Variants in EDIL3 observed in about 807,000 individuals in gnomAD.
EDIL3 encodes EGF like and discoidin domains 3.
Under a neutral mutation model 67.4 loss-of-function variants are expected in EDIL3, and 37 were observed. That is an observed-to-expected ratio of 0.55 (90% confidence interval 0.42 to 0.72). The LOEUF is 0.72. Among genes scored for constraint, EDIL3 ranks in the 30% least tolerant of loss-of-function variants. The pLI is 0.00. For synonymous variants in EDIL3, 195 were observed against 196.3 expected (o/e 0.99, Z 0.05); for missense variants, 527 against 586.3 (o/e 0.90, Z 1.04).
At chr5:84,024,155 G>A (rs1481713179) in intron 9 of EDIL3, among the ~76,000 whole-genome samples, 2 of 152,098 alleles carry the variant, frequency 1.3e-5, no homozygotes, top group African/African-American at 2.4e-5. Context: ...TTGGCCTGAT[G>A]CAGCATGCTA....
intron 4 of EDIL3, among the ~76,000 whole-genome samples, chr5:84,156,270 C>T (rs1399494060): frequency 1.3e-5 from 2 of 152,124 alleles, no homozygotes; most frequent in Non-Finnish European, 2.9e-5. Flanking sequence ...TTCCAGAGTT[C>T]TTAATTAATT....
At chr5:84,383,444 A>T (rs1748132684) in intron 1 of EDIL3, among the ~76,000 whole-genome samples, 1 of 152,100 alleles carries the variant, frequency 6.6e-6, no homozygotes, top group African/African-American at 2.4e-5. Context: ...TTTTCTTTTA[A>T]ATGCTTTTTT....
chr5:84,283,843 T>A (rs1037997859), intron 1 of EDIL3, among the ~76,000 whole-genome samples: 2 of 152,210 alleles, frequency 1.3e-5, no homozygotes, highest in Non-Finnish European at 2.9e-5. Flanking sequence ...AAGTTTACTA[T>A]GTTCAAAATT....
chr5:83,958,753 A>G (rs532488004), intron 10 of EDIL3, among the ~76,000 whole-genome samples: 6 of 151,564 alleles, frequency 4.0e-5, no homozygotes, highest in Non-Finnish European at 7.4e-5. Context: ...TTAAATACTG[A>G]AAGTGTTTGT....
At chr5:84,199,116 A>C (rs1743779289) in intron 3 of EDIL3, among the ~76,000 whole-genome samples, 1 of 151,984 alleles carries the variant, frequency 6.6e-6, no homozygotes, top group Non-Finnish European at 1.5e-5. Flanking sequence ...GTACAGCCAA[A>C]TCCTGGTTCA....
chr5:84,105,638 C>T, intron 6 of EDIL3, among the ~76,000 whole-genome samples: 1 of 151,930 alleles, frequency 6.6e-6, no homozygotes, highest in East Asian at 1.9e-4. Context: ...TCTCCCTACT[C>T]TACTGAAATA....
chr5:84,344,649 AAT>A (rs1323857992), intron 1 of EDIL3, among the ~76,000 whole-genome samples: 2 of 152,148 alleles, frequency 1.3e-5, no homozygotes, highest in African/African-American at 4.8e-5. Flanking sequence ...ACAAAAATGT[AAT>A]ATGTCATTAA....
intron 9 of EDIL3, among the ~76,000 whole-genome samples, chr5:83,985,019 A>G (rs1314912208): frequency 6.6e-6 from 1 of 151,900 alleles, no homozygotes; most frequent in African/African-American, 2.4e-5. Flanking sequence ...TATGATTTCT[A>G]CAATTTTTAA....
intron 1 of EDIL3, among the ~76,000 whole-genome samples, chr5:84,312,170 C>T (rs1398300065): frequency 1.3e-5 from 2 of 150,612 alleles, no homozygotes; most frequent in African/African-American, 2.5e-5. Context: ...CCGGACCGGG[C>T]AGCTGGCCGG....
At chr5:84,157,874 A>G (rs1367755252) in intron 4 of EDIL3, among the ~76,000 whole-genome samples, 1 of 152,134 alleles carries the variant, frequency 6.6e-6, no homozygotes, top group Non-Finnish European at 1.5e-5. Flanking sequence ...AATATTTGGA[A>G]GAAAGAAAAT....
intron 4 of EDIL3, among the ~76,000 whole-genome samples, chr5:84,142,350 A>G (rs1033608555): frequency 3.3e-5 from 5 of 152,006 alleles, no homozygotes; most frequent in African/African-American, 4.8e-5. Flanking sequence ...GAAACAGAGA[A>G]TTCTTGAGTC....
intron 1 of EDIL3, among the ~76,000 whole-genome samples, chr5:84,277,259 C>A (rs1459493849): frequency 1.3e-5 from 2 of 151,924 alleles, no homozygotes; most frequent in South Asian, 4.2e-4. Flanking sequence ...TAACAGAGAC[C>A]CCAGAAACTT....
chr5:84,013,694 G>T (rs1745553751), intron 9 of EDIL3, among the ~76,000 whole-genome samples: 1 of 152,148 alleles, frequency 6.6e-6, no homozygotes, highest in Non-Finnish European at 1.5e-5. Flanking sequence ...GTATGCATAA[G>T]TAGATGTTCC....
At chr5:84,087,094 T>A (rs1477198442) in intron 6 of EDIL3, among the ~76,000 whole-genome samples, 1 of 152,222 alleles carries the variant, frequency 6.6e-6, no homozygotes, top group Admixed American at 6.5e-5. Context: ...GAAATATATT[T>A]AGCTAATAAT....
At chr5:84,024,840 T>C (rs1429198880) in intron 9 of EDIL3, among the ~76,000 whole-genome samples, 3 of 152,030 alleles carry the variant, frequency 2.0e-5, no homozygotes, top group Non-Finnish European at 4.4e-5. Flanking sequence ...AGTATTGACT[T>C]TTATCTCTCT....
At chr5:84,247,909 CAT>C (rs1432223171) in intron 2 of EDIL3, among the ~76,000 whole-genome samples, 2 of 151,986 alleles carry the variant, frequency 1.3e-5, no homozygotes, top group African/African-American at 4.8e-5. Flanking sequence ...CAATAATACA[CAT>C]ACTTTTAATT....
At chr5:84,026,543 T>A (rs1580286072) in intron 9 of EDIL3, among the ~76,000 whole-genome samples, 1 of 152,316 alleles carries the variant, frequency 6.6e-6, no homozygotes, top group East Asian at 1.9e-4. Flanking sequence ...TCTACCAAGT[T>A]CAATTTTCTT....
At chr5:84,309,299 CTT>C (rs939564007) in intron 1 of EDIL3, among the ~76,000 whole-genome samples, 1 of 113,280 alleles carries the variant, frequency 8.8e-6, no homozygotes, top group African/African-American at 3.3e-5. Flanking sequence ...TTTCCTCTTT[CTT>C]TTTTTTTCTT....
At chr5:84,113,926 G>T (rs1354648619) in intron 5 of EDIL3, among the ~76,000 whole-genome samples, 1 of 152,148 alleles carries the variant, frequency 6.6e-6, no homozygotes, top group African/African-American at 2.4e-5. Flanking sequence ...TGTGCTGAAT[G>T]CAAGCACTGG....
Sources: allele counts gnomAD v4.1 joint callset (sites outside exome capture counted in the v4.1 genomes callset), GRCh38; gene constraint gnomAD v4.1.1; transcripts MANE v1.5; gene names NCBI Gene and HGNC (gene_info 2026-07-23, HGNC 2026-07-21).